Variants in SLC22A23 observed in about 807,000 individuals in gnomAD.
SLC22A23 encodes ion transporter protein.
SLC22A23 carries 26 observed loss-of-function variants against 61.0 expected under a neutral mutation model. The observed-to-expected ratio is 0.43, with a 90% CI of 0.31 to 0.59. The LOEUF (loss-of-function observed/expected upper bound fraction) is 0.59, where lower values mean the gene tolerates loss of function less well. Among genes scored for constraint, SLC22A23 ranks in the 20% least tolerant of loss-of-function variants. SLC22A23 has a pLI of 0.11. For synonymous variants in SLC22A23, 430 were observed against 413.9 expected, an observed-to-expected ratio of 1.04 and a Z score of -0.47; for missense variants, 796 against 934.7, an observed-to-expected ratio of 0.85 and a Z score of 1.94.
At chr6:3,378,154 A>G (rs980908890) in intron 3 of SLC22A23, among the ~76,000 whole-genome samples, 31 of 152,210 alleles carry the variant, frequency 2.0e-4, no homozygotes, top group African/African-American at 7.2e-4. Flanking sequence ...AACATTTAAT[A>G]TCACCGATGG....
chr6:3,284,939 C>T (rs1423539987), intron 8 of SLC22A23, 140 bp downstream of exon 8: 5 of 1,545,574 alleles, frequency 3.2e-6, no homozygotes, highest in African/African-American at 1.4e-5. Flanking sequence ...GTCCAACCTA[C>T]GGCCAACTTC....
chr6:3,455,275 C>CA (rs1772338986), intron 1 of SLC22A23, among the ~76,000 whole-genome samples: 1 of 152,204 alleles, frequency 6.6e-6, no homozygotes, highest in Non-Finnish European at 1.5e-5. Context: ...GCGGTGACGG[C>CA]CGGGGAACAC....
intron 1 of SLC22A23, among the ~76,000 whole-genome samples, chr6:3,430,480 G>A (rs902232998): frequency 1.3e-5 from 2 of 152,132 alleles, no homozygotes; most frequent in Non-Finnish European, 2.9e-5. Context: ...CCAGTATTGT[G>A]GGCCAGGCCC....
At chr6:3,285,567 C>T (rs942065326) in intron 7 of SLC22A23, among the ~76,000 whole-genome samples, 4 of 151,932 alleles carry the variant, frequency 2.6e-5, no homozygotes, top group Admixed American at 6.6e-5. Context: ...CCACAACACC[C>T]GGGGGCTGAG....
At chr6:3,444,753 G>A (rs897653281) in intron 1 of SLC22A23, 1 of 961,168 alleles carries the variant, frequency 1.0e-6, no homozygotes, top group African/African-American at 1.8e-5. Context: ...AAACCCTGTA[G>A]AGGGTGCTTT....
intron 1 of SLC22A23, among the ~76,000 whole-genome samples, chr6:3,431,565 G>A (rs183793568): frequency 2.4e-4 from 37 of 152,302 alleles, no homozygotes; most frequent in African/African-American, 5.3e-4. Context: ...TCAGTCCTTC[G>A]TACCTTAGTG....
intron 3 of SLC22A23, among the ~76,000 whole-genome samples, chr6:3,357,116 C>T (rs1341109202): frequency 6.9e-6 from 1 of 145,618 alleles, no homozygotes; most frequent in Non-Finnish European, 1.5e-5. Flanking sequence ...TAATGAAATG[C>T]TCACATTTAC....
Position 3,324,045 on chromosome 6 carries a change from G to C in SLC22A23, c.914-43C>G, listed in dbSNP as rs549223955. ...TGAGAGAGAGATGAGTGCCCTGCTC[G>C]ACAGCCCGAGAAGTCCTGGGTGCAC... On this transcript the variant is annotated intron_variant, in intron 3 of 9. Transcript: ENST00000406686. The surrounding 1 kb of genome is among the most constrained non-coding windows in gnomAD (Gnocchi z 4.3). The C allele has an allele frequency of 1.0e-5, 16 of 1,598,206 alleles. No homozygotes were observed. The African/African-American group carries it at 1.3e-4, about 13-fold the overall frequency.
intron 3 of SLC22A23, among the ~76,000 whole-genome samples, chr6:3,389,412 G>A (rs1029116773): frequency 2.0e-5 from 3 of 151,566 alleles, no homozygotes; most frequent in Admixed American, 1.3e-4. Context: ...TATGGGATAT[G>A]TTTTCTATCA....
chr6:3,412,459 T>G (rs1769334619), intron 2 of SLC22A23, among the ~76,000 whole-genome samples: 1 of 152,180 alleles, frequency 6.6e-6, no homozygotes, highest in South Asian at 2.1e-4. Context: ...GAACAAATGC[T>G]TCAGCAAGCG....
At chr6:3,444,222 C>T (rs1215833916) in intron 1 of SLC22A23, among the ~76,000 whole-genome samples, 1 of 152,138 alleles carries the variant, frequency 6.6e-6, no homozygotes, top group Non-Finnish European at 1.5e-5. Flanking sequence ...CCCTGTCAAT[C>T]TCTAAATCAC....
rs750736811 is a variant in SLC22A23, at chr6:3,330,735, G to A, written c.914-6733C>T. On this transcript the variant is annotated intron_variant, in intron 3 of 9. Transcript: ENST00000406686. The surrounding 1 kb of genome is among the most constrained non-coding windows in gnomAD (Gnocchi z 4.7). Reference sequence around the variant, plus strand: ...TACAGCTCTACATCTCCCCTTCCGCGTGGAAGGCGTCCTCTTTCCTCTTAA... The same window carrying A: ...TACAGCTCTACATCTCCCCTTCCGCATGGAAGGCGTCCTCTTTCCTCTTAA... 6.6e-6 allele frequency among the ~76,000 whole-genome samples: 1 copy of A among 152,204 alleles called. No homozygotes were observed. The highest frequency in any genetic ancestry group is 1.5e-5 in the Non-Finnish European group (1 of 68,044).
chr6:3,278,355 T>C (rs564863725), intron 9 of SLC22A23, among the ~76,000 whole-genome samples: 1 of 145,476 alleles, frequency 6.9e-6, no homozygotes, highest in Admixed American at 6.6e-5. Flanking sequence ...ACTGTGCTTC[T>C]GGGCCTGAAG....
rs971728490 is a variant in SLC22A23 at position 3,309,458 on chromosome 6, A to G, written c.1083-11240T>C. Among the ~76,000 whole-genome samples, 2 of 152,174 alleles carry G rather than the reference A, an allele frequency of 1.3e-5. No individual in the cohort carries two copies. ...TCAGACAACTGAATCCTAGCTGAGA[A>G]AGCCCCAGGCCACTAACGCTGGGCA... On this transcript the variant is annotated intron_variant, in intron 4 of 9. Coordinates refer to ENST00000406686, the MANE Select transcript of SLC22A23 (RefSeq NM_015482.2). This position sits in a 1 kb window ranked among gnomAD's most constrained non-coding sequence, Gnocchi z 4.7.
intron 3 of SLC22A23, among the ~76,000 whole-genome samples, chr6:3,401,199 G>A (rs530713876): frequency 6.6e-4 from 100 of 152,270 alleles, no homozygotes; most frequent in African/African-American, 2.2e-3. Flanking sequence ...AAAATTAGCC[G>A]GGCGTGGTGG....
rs1395618692 is a variant in SLC22A23, at chr6:3,318,340, C to A, written c.1082+5494G>T. ...AAACCAACCCATCCAGAGCCGATAC[C>A]CCAACCACTTCCTGTGTCGGGCTCT... On this transcript the variant is annotated intron_variant, in intron 4 of 9. Transcript: ENST00000406686. This position sits in a 1 kb window ranked among gnomAD's most constrained non-coding sequence, Gnocchi z 4.3. Among the ~76,000 whole-genome samples the A allele has an allele frequency of 6.6e-6, 1 of 152,126 alleles. No individual in the cohort carries two copies. Among genetic ancestry groups the A allele is most frequent in the Admixed American group, 6.5e-5 (1 of 15,280 alleles).
intron 5 of SLC22A23, among the ~76,000 whole-genome samples, chr6:3,292,768 C>G (rs578156810): frequency 1.3e-5 from 2 of 152,346 alleles, no homozygotes; most frequent in African/African-American, 2.4e-5. Flanking sequence ...TGTCCTTGCT[C>G]TGAGCCCAGC....
In SLC22A23 at chr6:3,286,486, A is replaced by G. The variant is rs930907349; in HGVS notation, c.1546+373T>C. Among the ~76,000 whole-genome samples, 2 of 152,234 alleles carry G rather than the reference A, an allele frequency of 1.3e-5. No individual in the cohort carries two copies. The highest frequency in any genetic ancestry group is 2.9e-5 in the Non-Finnish European group (2 of 68,040). On this transcript the variant is annotated intron_variant, in intron 7 of 9. Coordinates refer to ENST00000406686, the MANE Select transcript of SLC22A23 (RefSeq NM_015482.2). The surrounding 1 kb of genome is among the most constrained non-coding windows in gnomAD (Gnocchi z 4.2). The stretch of plus-strand genomic sequence containing the variant: ...AACATCTGCTGAAAAGCAGGGCCCT[A>G]ATGCAAGGGTGACAAAACAGATTTA...
At chr6:3,388,069 G>C (rs1767423139) in intron 3 of SLC22A23, among the ~76,000 whole-genome samples, 1 of 152,200 alleles carries the variant, frequency 6.6e-6, no homozygotes, top group African/African-American at 2.4e-5. Context: ...CACTGGTGCA[G>C]CCCTTGACTT....
Sources: allele counts gnomAD v4.1 joint callset (sites outside exome capture counted in the v4.1 genomes callset), GRCh38; gene constraint gnomAD v4.1.1; non-coding constraint Gnocchi (gnomAD v3.1); transcripts MANE v1.5; gene names NCBI Gene and HGNC (gene_info 2026-07-23, HGNC 2026-07-21).